VAV1: variants seen among roughly 807,000 people sequenced by gnomAD.
VAV1 encodes vav guanine nucleotide exchange factor 1.
In VAV1, 33 loss-of-function variants were observed where a neutral mutation model predicts 128.1. The ratio of observed to expected loss-of-function variants is 0.26; its 90% CI spans 0.20 to 0.34. The LOEUF is 0.34. VAV1 is among the 10% of genes least tolerant of loss of function. The probability of loss-of-function intolerance (pLI) is 1.00; values close to 1 mark genes in which losing one functional copy is unlikely to be tolerated. For synonymous variants in VAV1, 394 were observed against 409.8 expected, an observed-to-expected ratio of 0.96 and a Z score of 0.47; for missense variants, 715 against 1,093.7, an observed-to-expected ratio of 0.65 and a Z score of 4.88.
chr19:6,835,537 A>C (rs182109018), intron 19 of VAV1, among the ~76,000 whole-genome samples: 14 of 152,292 alleles, frequency 9.2e-5, no homozygotes, highest in African/African-American at 3.4e-4. Context: ...AAGCACTGCT[A>C]CTCACCTATC....
Position 6,822,245 on chromosome 19 carries a change from C to A in VAV1, c.474C>A (p.Asp158Glu). The stretch of plus-strand genomic sequence containing the variant: ...GCGACACGGTGGAGGAGGATGAGGA[C>A]CTGTATGACTGCGTGGAGAATGAGG... ...QIDDTVEEDE[D>E]LYDCVENEEA... The change falls in exon 5 of 27, where the codon GAC becomes GAA. Residue 158 changes from aspartate (D) to glutamate (E), a missense_variant. Around this residue, in one of 3 missense-constraint regions of VAV1, gnomAD observed 302 missense variants for 477.8 expected, o/e 0.63. Transcript: ENST00000602142. The surrounding 1 kb of genome is among the most constrained non-coding windows in gnomAD (Gnocchi z 5.9). 6.3e-7 allele frequency: 1 copy of A among 1,588,528 alleles called. No individual in the cohort carries two copies. Among genetic ancestry groups the A allele is most frequent in the Admixed American group, 1.8e-5 (1 of 54,812 alleles).
chr19:6,813,332 C>A (rs1165230584), intron 1 of VAV1, among the ~76,000 whole-genome samples: 1 of 152,194 alleles, frequency 6.6e-6, no homozygotes, highest in Non-Finnish European at 1.5e-5. Context: ...GGTGAGTGGT[C>A]CAAGAGACCA....
At chr19:6,856,169 C>A (rs898358157) in intron 26 of VAV1, among the ~76,000 whole-genome samples, 1 of 152,080 alleles carries the variant, frequency 6.6e-6, no homozygotes, top group Non-Finnish European at 1.5e-5. Flanking sequence ...TTGTGGCGTG[C>A]GCCTCTAATC....
At chr19:6,837,685 C>G (rs560620150) in intron 21 of VAV1, among the ~76,000 whole-genome samples, 11 of 152,174 alleles carry the variant, frequency 7.2e-5, no homozygotes, top group African/African-American at 2.6e-4. Context: ...TAGCCTTTAC[C>G]CAGTTTCATC....
intron 1 of VAV1, among the ~76,000 whole-genome samples, chr19:6,779,733 C>T (rs902205738): frequency 2.0e-5 from 3 of 149,554 alleles, no homozygotes; most frequent in Admixed American, 6.7e-5. Flanking sequence ...AAGCTGGGGG[C>T]TGGGTGCGGT....
At chr19:6,855,499 G>T (rs1972771304) in intron 26 of VAV1, among the ~76,000 whole-genome samples, 1 of 150,960 alleles carries the variant, frequency 6.6e-6, no homozygotes, top group Non-Finnish European at 1.5e-5. Flanking sequence ...TTCAACCTAC[G>T]CATCTATCCA....
At chr19:6,797,563 C>G (rs543462643) in intron 1 of VAV1, among the ~76,000 whole-genome samples, 2 of 151,926 alleles carry the variant, frequency 1.3e-5, no homozygotes, top group South Asian at 4.2e-4. Context: ...ATTAGCTGGG[C>G]GTGGTGACGC....
At chr19:6,843,100 T>C (rs200369996) in intron 21 of VAV1, 35 bp from the exon 22 acceptor site, 1 of 1,612,932 alleles carries the variant, frequency 6.2e-7, no homozygotes, top group Admixed American at 1.7e-5. Context: ...GCTGGGGTCT[T>C]TACACTAAGT....
intron 1 of VAV1, among the ~76,000 whole-genome samples, chr19:6,800,865 G>T (rs1971252355): frequency 6.6e-6 from 1 of 151,664 alleles, no homozygotes; most frequent in African/African-American, 2.4e-5. Flanking sequence ...GACCTCAAGT[G>T]ATCCGCCCGC....
intron 1 of VAV1, among the ~76,000 whole-genome samples, chr19:6,783,147 T>G (rs928833853): frequency 3.9e-5 from 6 of 152,088 alleles, no homozygotes; most frequent in African/African-American, 1.4e-4. Flanking sequence ...GCCACTGCAC[T>G]CCAGCCTGGT....
At chr19:6,839,607 G>T (rs1364908565) in intron 21 of VAV1, among the ~76,000 whole-genome samples, 1 of 151,980 alleles carries the variant, frequency 6.6e-6, no homozygotes, top group Non-Finnish European at 1.5e-5. Flanking sequence ...AAATGTTTTA[G>T]AACTAGGTAG....
chr19:6,821,586 C>T (rs1431962258), intron 2 of VAV1, 36 bp from the exon 3 acceptor site: 3 of 1,613,588 alleles, frequency 1.9e-6, no homozygotes, highest in East Asian at 4.5e-5. Flanking sequence ...TGGGGGTGTA[C>T]AAGGGGCTCA....
chr19:6,812,274 A>C (rs1233431639), intron 1 of VAV1, among the ~76,000 whole-genome samples: 1 of 152,212 alleles, frequency 6.6e-6, no homozygotes, highest in Non-Finnish European at 1.5e-5. Context: ...TGTGCTCTTG[A>C]GTAAACCCTT....
chr19:6,818,137 G>A (rs901746624), intron 1 of VAV1, among the ~76,000 whole-genome samples: 1 of 150,568 alleles, frequency 6.6e-6, no homozygotes, highest in African/African-American at 2.4e-5. Flanking sequence ...TATTTTTTGT[G>A]GAGATGGGGT....
intron 22 of VAV1, among the ~76,000 whole-genome samples, chr19:6,844,573 AT>A (rs1343004629): frequency 6.6e-6 from 1 of 152,144 alleles, no homozygotes; most frequent in African/African-American, 2.4e-5. Flanking sequence ...ATTGCCATTT[AT>A]AAAAAATGTG....
At chr19:6,829,511 G>C (rs1972005598) in intron 13 of VAV1, among the ~76,000 whole-genome samples, 2 of 152,150 alleles carry the variant, frequency 1.3e-5, no homozygotes, top group African/African-American at 4.8e-5. Context: ...AAGATTTCTA[G>C]ACAGACAGGT....
chr19:6,773,236 C>A (rs1288690112), intron 1 of VAV1, among the ~76,000 whole-genome samples: 1 of 152,140 alleles, frequency 6.6e-6, no homozygotes, highest in Non-Finnish European at 1.5e-5. Flanking sequence ...CTGAGTTGGC[C>A]CGCATCTGGG....
At chr19:6,779,929 G>A (rs1970728079) in intron 1 of VAV1, among the ~76,000 whole-genome samples, 1 of 149,320 alleles carries the variant, frequency 6.7e-6, no homozygotes, top group South Asian at 2.2e-4. Context: ...GGCTAACACG[G>A]TGAAACCCCG....
At chr19:6,804,315 T>G (rs1202079392) in intron 1 of VAV1, among the ~76,000 whole-genome samples, 1 of 151,796 alleles carries the variant, frequency 6.6e-6, no homozygotes, top group African/African-American at 2.4e-5. Flanking sequence ...CGAAAACAGC[T>G]TTATTGCCGT....
Sources: gnomAD v4.1 joint callset for allele counts (sites outside exome capture counted in the v4.1 genomes callset) on GRCh38, gnomAD v4.1.1 for gene constraint, gnomAD v4.1.1 regional missense constraint, Gnocchi (gnomAD v3.1) non-coding constraint, MANE v1.5 for transcripts, NCBI Gene and HGNC (gene_info 2026-07-23, HGNC 2026-07-21) for gene names.